The following KCNJ6 variants were observed in gnomAD, a reference collection of about 807,000 sequenced individuals.
The protein encoded by KCNJ6 is G protein-activated inward rectifier potassium channel 2.
In KCNJ6, 9 loss-of-function variants were observed where a neutral mutation model predicts 34.2. The observed-to-expected ratio is 0.26, with a 90% CI of 0.16 to 0.46. KCNJ6 has a LOEUF of 0.46. Ranked by LOEUF, KCNJ6 falls within the 20% of genes least tolerant of loss-of-function variation. KCNJ6 has a pLI of 1.00. For missense variants in KCNJ6, 236 were observed against 531.3 expected (o/e 0.44, Z 5.46); for synonymous variants, 196 against 207.1 (o/e 0.95, Z 0.46).
chr21:37,735,430 C>T (rs1193722325), intron 2 of KCNJ6, among the ~76,000 whole-genome samples: 1 of 152,200 alleles, frequency 6.6e-6, no homozygotes. Context: ...GCTGCTCCTC[C>T]AGCTGCCAGG....
chr21:37,764,938 C>T (rs2055083782), intron 2 of KCNJ6, among the ~76,000 whole-genome samples: 3 of 152,220 alleles, frequency 2.0e-5, no homozygotes, highest in Admixed American at 6.5e-5. Context: ...GCCAAACCTT[C>T]CTTCTCAGGG....
chr21:37,666,571 TGAG>T (rs1423944485), intron 3 of KCNJ6, among the ~76,000 whole-genome samples: 3 of 152,182 alleles, frequency 2.0e-5, no homozygotes, highest in Non-Finnish European at 4.4e-5. Context: ...GTCTGGGAAG[TGAG>T]GAGTGCCTCT....
chr21:37,891,817 G>A (rs899267670), intron 1 of KCNJ6, among the ~76,000 whole-genome samples: 1 of 152,200 alleles, frequency 6.6e-6, no homozygotes, highest in African/African-American at 2.4e-5. Context: ...TGCAGCTGCT[G>A]TTCCTGTTGG....
chr21:37,661,638 T>TTTTTTTTTTTTA (rs1601408329), intron 3 of KCNJ6, among the ~76,000 whole-genome samples: 1 of 136,078 alleles, frequency 7.3e-6, no homozygotes. Context: ...TTTTTTTTTT[T>TTTTTTTTTTTTA]TTGAGACTGG....
intron 1 of KCNJ6, among the ~76,000 whole-genome samples, chr21:37,857,615 ACAG>A (rs2055571763): frequency 6.6e-6 from 1 of 152,188 alleles, no homozygotes; most frequent in Non-Finnish European, 1.5e-5. Flanking sequence ...CCGGAATTAG[ACAG>A]AACTTTACTC....
At chr21:37,676,571 C>T (rs1458884523) in intron 3 of KCNJ6, among the ~76,000 whole-genome samples, 2 of 152,220 alleles carry the variant, frequency 1.3e-5, no homozygotes, top group African/African-American at 4.8e-5. Context: ...CAAAGACAAA[C>T]TCCATCCACT....
At chr21:37,825,666 A>C (rs2055395578) in intron 2 of KCNJ6, among the ~76,000 whole-genome samples, 1 of 152,120 alleles carries the variant, frequency 6.6e-6, no homozygotes, top group Admixed American at 6.5e-5. Flanking sequence ...GTCCGTTTCC[A>C]CACTGCTAAT....
chr21:37,664,060 A>T (rs1281396159), intron 3 of KCNJ6, among the ~76,000 whole-genome samples: 1 of 152,254 alleles, frequency 6.6e-6, no homozygotes, highest in Admixed American at 6.5e-5. Flanking sequence ...GTAGCAAAGA[A>T]GACTAATAAA....
At chr21:37,662,684 G>T (rs1628045) in intron 3 of KCNJ6, among the ~76,000 whole-genome samples, 1 of 152,202 alleles carries the variant, frequency 6.6e-6, no homozygotes, top group South Asian at 2.1e-4. Context: ...GGAATCGTCA[G>T]ACTGTCTTCC....
rs1223083847 is a variant in KCNJ6 at position 37,675,573 on chromosome 21, G to A, written c.946+38638C>T. On this transcript the variant is annotated intron_variant, in intron 3 of 3. Transcript: ENST00000609713. This position sits in a 1 kb window ranked among gnomAD's most constrained non-coding sequence, Gnocchi z 4.2. The stretch of plus-strand genomic sequence containing the variant: ...TGCTGCGATGACACCCAGTCCCTGG[G>A]CGCCGCCGCATCGCCCTGCCCTGAG... 6.6e-6 allele frequency among the ~76,000 whole-genome samples: 1 copy of A among 152,232 alleles called. No individual in the cohort carries two copies. The highest frequency in any genetic ancestry group is 1.5e-5 in the Non-Finnish European group (1 of 68,042).
intron 2 of KCNJ6, among the ~76,000 whole-genome samples, chr21:37,765,455 C>T (rs978993319): frequency 6.6e-6 from 1 of 152,148 alleles, no homozygotes; most frequent in African/African-American, 2.4e-5. Context: ...AGGGGTGCTC[C>T]TGGCATCTAG....
chr21:37,727,749 C>T (rs548857119), intron 2 of KCNJ6, among the ~76,000 whole-genome samples: 5 of 151,978 alleles, frequency 3.3e-5, no homozygotes, highest in East Asian at 1.9e-4. Flanking sequence ...TTGGGAGGAA[C>T]GGAGAAAGAT....
chr21:37,830,151 A>G (rs1406603717), intron 2 of KCNJ6, among the ~76,000 whole-genome samples: 1 of 152,172 alleles, frequency 6.6e-6, no homozygotes. Flanking sequence ...CAGATCATCA[A>G]TTAAATACAG....
At position 37,614,499 on chromosome 21, in the gene KCNJ6, T is replaced by C. The variant is rs1296972961; in HGVS notation, c.*10660A>G. The C allele has an allele frequency of 7.4e-6, 1 of 134,658 alleles. No homozygotes were observed. The highest frequency in any genetic ancestry group is 1.6e-5 in the Non-Finnish European group (1 of 60,718). 8.3% of individuals were successfully genotyped at this position (134,658 alleles called of 1,614,324 possible). On this transcript the variant is annotated 3_prime_UTR_variant, in exon 4 of 4. Coordinates refer to ENST00000609713, the MANE Select transcript of KCNJ6 (RefSeq NM_002240.5). ...GTATGCATGTGTCTGTGTGCGTGTA[T>C]GCATGTGTCTCTGTATGCATGTGTG... is the stretch of plus-strand genomic sequence containing the variant.
At chr21:37,640,347 T>C (rs1208464439) in intron 3 of KCNJ6, among the ~76,000 whole-genome samples, 1 of 152,230 alleles carries the variant, frequency 6.6e-6, no homozygotes, top group Non-Finnish European at 1.5e-5. Flanking sequence ...TTCACCTCTC[T>C]CACTTCCTCA....
chr21:37,711,007 G>A (rs2835907), intron 3 of KCNJ6, among the ~76,000 whole-genome samples: 11,558 of 152,256 alleles, frequency 0.076, 1,076 homozygotes, highest in African/African-American at 0.22. Flanking sequence ...GACTTCAGGC[G>A]GGACCAGGCC....
intron 2 of KCNJ6, among the ~76,000 whole-genome samples, chr21:37,722,313 A>T (rs902743161): frequency 6.6e-6 from 1 of 152,232 alleles, no homozygotes; most frequent in African/African-American, 2.4e-5. Flanking sequence ...ATGGAAAAAC[A>T]TCCCATGCTC....
chr21:37,830,134 C>T (rs1160012291), intron 2 of KCNJ6, among the ~76,000 whole-genome samples: 2 of 152,140 alleles, frequency 1.3e-5, no homozygotes, highest in Non-Finnish European at 2.9e-5. Context: ...TCTTTCTGAG[C>T]CTCAATCAGA....
At chr21:37,718,434 GACAGAGA>G (rs1362665168) in intron 2 of KCNJ6, among the ~76,000 whole-genome samples, 3 of 152,146 alleles carry the variant, frequency 2.0e-5, no homozygotes, top group Non-Finnish European at 2.9e-5. Flanking sequence ...AAAGAGCAAA[GACAGAGA>G]AAAGAAAGCC....
Sources: gnomAD v4.1 joint callset for allele counts (sites outside exome capture counted in the v4.1 genomes callset) on GRCh38, gnomAD v4.1.1 for gene constraint, Gnocchi (gnomAD v3.1) non-coding constraint, MANE v1.5 for transcripts, NCBI Gene and HGNC (gene_info 2026-07-23, HGNC 2026-07-21) for gene names.